MYO5B: variants seen among roughly 807,000 people sequenced by gnomAD.
MYO5B encodes the protein unconventional myosin-Vb.
In MYO5B, 143 loss-of-function variants were observed where a neutral mutation model predicts 229.3. The observed-to-expected ratio is 0.62, with a 90% CI of 0.54 to 0.72. The LOEUF (loss-of-function observed/expected upper bound fraction) is 0.72. Among genes scored for constraint, MYO5B ranks in the 30% least tolerant of loss-of-function variants. The probability of loss-of-function intolerance (pLI) is 0.00; values close to 1 mark genes in which losing one functional copy is unlikely to be tolerated. For missense variants in MYO5B, 2,321 were observed against 2,331.0 expected (o/e 1.00, Z 0.09); for synonymous variants, 918 against 885.2 (o/e 1.04, Z -0.66).
chr18:49,906,364 A>AC (rs1484453719), intron 19 of MYO5B, 55 bp downstream of exon 19: 18 of 1,546,724 alleles, frequency 1.2e-5, no homozygotes, highest in Non-Finnish European at 1.6e-5. Context: ...AGAAAGGCAG[A>AC]CCCCCATCTT....
intron 9 of MYO5B, among the ~76,000 whole-genome samples, chr18:49,978,640 C>T (rs1375061678): frequency 6.7e-6 from 1 of 150,294 alleles, no homozygotes; most frequent in Non-Finnish European, 1.5e-5. Context: ...GAGAACTGAC[C>T]CTACTCTTTC....
intron 10 of MYO5B, among the ~76,000 whole-genome samples, chr18:49,974,116 T>C (rs2025718968): frequency 6.6e-6 from 1 of 152,214 alleles, no homozygotes; most frequent in African/African-American, 2.4e-5. Context: ...TCCTGGTGTT[T>C]TGACAGGTCC....
chr18:50,175,752 T>C (rs975607078), intron 1 of MYO5B, among the ~76,000 whole-genome samples: 6 of 152,236 alleles, frequency 3.9e-5, no homozygotes, highest in African/African-American at 1.2e-4. Flanking sequence ...CACTCCCTTA[T>C]GGCATCCTTG....
At chr18:49,934,327 C>T (rs886962299) in intron 16 of MYO5B, among the ~76,000 whole-genome samples, 3 of 152,184 alleles carry the variant, frequency 2.0e-5, no homozygotes, top group Admixed American at 6.5e-5. Flanking sequence ...ACTAGAATCC[C>T]GGTATCATGA....
At chr18:49,956,153 C>CTCCA (rs2025490325) in intron 12 of MYO5B, among the ~76,000 whole-genome samples, 9 of 152,198 alleles carry the variant, frequency 5.9e-5, no homozygotes, top group Admixed American at 5.2e-4. Flanking sequence ...TCCACCCCAC[C>CTCCA]TCCAACCAAA....
intron 1 of MYO5B, among the ~76,000 whole-genome samples, chr18:50,081,684 T>G (rs2031224876): frequency 1.3e-5 from 2 of 152,066 alleles, no homozygotes; most frequent in African/African-American, 4.8e-5. Flanking sequence ...AAGTATTATT[T>G]CTGGGAAAAT....
At position 50,011,724 on chromosome 18, in the gene MYO5B, C is replaced by T. The variant is rs1226349235; in HGVS notation, c.456-10313G>A. 2.6e-5 allele frequency among the ~76,000 whole-genome samples: 4 copies of T among 152,140 alleles called. No homozygotes were observed. The East Asian group carries it at 7.8e-4, about 30-fold the overall frequency. On this transcript the variant is annotated intron_variant, in intron 4 of 39. Coordinates refer to ENST00000285039, the MANE Select transcript of MYO5B (RefSeq NM_001080467.3). Reference sequence around the variant, plus strand: ...TTCCTCCTCCTTTCCCTCCTAGATGCTACCACAGCAGAACTGGTCTTCCCA... The same window carrying T: ...TTCCTCCTCCTTTCCCTCCTAGATGTTACCACAGCAGAACTGGTCTTCCCA...
chr18:49,954,895 G>C (rs1460645975), intron 12 of MYO5B, among the ~76,000 whole-genome samples: 1 of 152,216 alleles, frequency 6.6e-6, no homozygotes, highest in East Asian at 1.9e-4. Flanking sequence ...AACTCACCTA[G>C]ATACCATTGT....
At chr18:49,867,059 C>G (rs940212621) in intron 27 of MYO5B, among the ~76,000 whole-genome samples, 1 of 152,120 alleles carries the variant, frequency 6.6e-6, no homozygotes, top group Admixed American at 6.5e-5. Flanking sequence ...TCAAGAGATT[C>G]CAAAATCCAG....
intron 1 of MYO5B, among the ~76,000 whole-genome samples, chr18:50,177,572 G>A (rs2033014691): frequency 6.6e-6 from 1 of 152,178 alleles, no homozygotes; most frequent in Admixed American, 6.5e-5. Context: ...CTCCTTAACT[G>A]CCTTGAGCCC....
intron 4 of MYO5B, among the ~76,000 whole-genome samples, chr18:50,013,111 G>A (rs947239753): frequency 1.3e-5 from 2 of 152,144 alleles, no homozygotes; most frequent in African/African-American, 2.4e-5. Flanking sequence ...CATCCATAAG[G>A]TTGCTAAACA....
rs2024140927 is a variant in MYO5B at position 49,847,243 on chromosome 18, G to A, written c.4362C>T (p.Asn1454=). The change falls in exon 33 of 40, where the codon AAC becomes AAT. Residue 1454 remains asparagine (N), a synonymous_variant. Transcript: ENST00000285039. ...CTTTCCGCTGGACCGTGACCTGCCTGTTGAGCTCATGGCGCTTCCTCTCAC... is the reference window on the plus strand; with the variant it reads ...CTTTCCGCTGGACCGTGACCTGCCTATTGAGCTCATGGCGCTTCCTCTCAC... ...AQSERKRHEL[N]RQVTVQRKEK... is the part of the protein sequence containing the mutation. 1 of 1,614,062 alleles carries A rather than the reference G, an allele frequency of 6.2e-7. No individual in the cohort carries two copies. The highest frequency in any genetic ancestry group is 8.5e-7 in the Non-Finnish European group (1 of 1,180,030).
intron 1 of MYO5B, among the ~76,000 whole-genome samples, chr18:50,092,774 C>A (rs1364316310): frequency 7.2e-5 from 11 of 152,124 alleles, no homozygotes; most frequent in Admixed American, 3.3e-4. Context: ...TTAGTAGGAA[C>A]AGAACACATT....
chr18:49,912,227 A>C, intron 17 of MYO5B, 54 bp from the exon 18 acceptor site: 1 of 1,383,064 alleles, frequency 7.2e-7, no homozygotes, highest in South Asian at 1.2e-5. Context: ...TTGGCCACAC[A>C]AAAGCCAGGC....
At chr18:50,015,460 G>A (rs560937613) in intron 4 of MYO5B, among the ~76,000 whole-genome samples, 1 of 152,140 alleles carries the variant, frequency 6.6e-6, no homozygotes, top group Admixed American at 6.5e-5. Flanking sequence ...CTTGAAATCT[G>A]ACTATTTTCA....
At position 49,895,073 on chromosome 18, in the gene MYO5B, C is replaced by G. The variant is rs779855968; in HGVS notation, c.2913G>C (p.Gln971His). Residue 971 changes from glutamine to histidine, a missense_variant, in exon 22 of 40, where the codon CAG becomes CAC. Physicochemically the swap from Gln to His is conservative, Grantham distance 24. Transcript: ENST00000285039. ...TGAGGCTGGTGTCCTCACCTGGGCT[C>G]TGCTGGTAGTGCACCAGCTCCTTCT... ...RLKKELVHYQQSPGEDTSLRL... is the reference protein window; with the variant it reads ...RLKKELVHYQHSPGEDTSLRL... 5 of 1,614,174 alleles carry G rather than the reference C, an allele frequency of 3.1e-6. No homozygotes were observed. Among genetic ancestry groups the G allele is most frequent in the Non-Finnish European group, 4.2e-6 (5 of 1,180,036 alleles).
intron 1 of MYO5B, among the ~76,000 whole-genome samples, chr18:50,164,590 AT>A (rs11450293): frequency 6.6e-6 from 1 of 151,432 alleles, no homozygotes; most frequent in African/African-American, 2.4e-5. Context: ...TCAAATTGTG[AT>A]TTTTTTTTAA....
intron 39 of MYO5B, among the ~76,000 whole-genome samples, chr18:49,834,890 G>C (rs999475264): frequency 6.6e-6 from 1 of 152,042 alleles, no homozygotes; most frequent in African/African-American, 2.4e-5. Context: ...CACCCACCTC[G>C]GCCTCCCAAA....
chr18:50,079,513 T>A (rs1007078784), intron 1 of MYO5B, among the ~76,000 whole-genome samples: 2 of 151,826 alleles, frequency 1.3e-5, no homozygotes, highest in African/African-American at 4.8e-5. Flanking sequence ...CCTCAAATTC[T>A]CCCCCCTTGA....
Sources: allele counts gnomAD v4.1 joint callset (sites outside exome capture counted in the v4.1 genomes callset), GRCh38; gene constraint gnomAD v4.1.1; transcripts MANE v1.5; gene names NCBI Gene and HGNC (gene_info 2026-07-23, HGNC 2026-07-21).